The following RBM18 variants were observed in gnomAD, a reference collection of about 807,000 sequenced individuals.
RBM18 encodes RNA binding motif protein 18.
In RBM18, 18 loss-of-function variants were observed where a neutral mutation model predicts 26.4. The ratio of observed to expected loss-of-function variants is 0.68; its 90% CI spans 0.47 to 1.01. The LOEUF (loss-of-function observed/expected upper bound fraction) is 1.01, where lower values mean the gene tolerates loss of function less well. Ranked by LOEUF, RBM18 falls within the 50% of genes least tolerant of loss-of-function variation. The pLI is 0.00. For synonymous variants in RBM18, 74 were observed against 81.1 expected, an observed-to-expected ratio of 0.91 and a Z score of 0.47; for missense variants, 180 against 219.2, an observed-to-expected ratio of 0.82 and a Z score of 1.13.
chr9:122,248,273 T>C (rs1224050143), intron 3 of RBM18, among the ~76,000 whole-genome samples: 2 of 152,198 alleles, frequency 1.3e-5, no homozygotes, highest in Non-Finnish European at 2.9e-5. Flanking sequence ...ACTCAAAGAA[T>C]GTAAAGCATG....
intron 1 of RBM18, among the ~76,000 whole-genome samples, chr9:122,263,693 A>C (rs1037017328): frequency 6.6e-6 from 1 of 152,242 alleles, no homozygotes; most frequent in African/African-American, 2.4e-5. Flanking sequence ...AGTGGAGGGA[A>C]GGCCTCTCTA....
chr9:122,255,300 A>T (rs781104745), intron 2 of RBM18, among the ~76,000 whole-genome samples: 2 of 152,236 alleles, frequency 1.3e-5, no homozygotes, highest in Non-Finnish European at 2.9e-5. Context: ...AGACATAAAA[A>T]GAAGTATGGA....
In RBM18 at chr9:122,238,658, A is replaced by G. The variant is rs931036536; in HGVS notation, c.*3226T>C. ...TATAGGGTCAGACACGTAGTGAAGG[A>G]CAGGTCATTAGGGCCTTACAGATCT... On this transcript the variant is annotated 3_prime_UTR_variant, in exon 6 of 6. Coordinates refer to ENST00000417201, the MANE Select transcript of RBM18 (RefSeq NM_033117.4). The G allele has an allele frequency of 2.6e-5, 4 of 152,254 alleles. No homozygotes were observed. The highest frequency in any genetic ancestry group is 9.6e-5 in the African/African-American group (4 of 41,472). The allele number at this position is 152,254 out of a possible 1,614,324, so 9.4% of individuals were successfully genotyped here.
At chr9:122,248,754 C>A (rs1408307373) in intron 3 of RBM18, among the ~76,000 whole-genome samples, 1 of 152,166 alleles carries the variant, frequency 6.6e-6, no homozygotes, top group East Asian at 1.9e-4. Flanking sequence ...CCAAGTGTAA[C>A]CCATGTTTAG....
chr9:122,254,275 T>G (rs1449921339), intron 2 of RBM18: 1 of 884,732 alleles, frequency 1.1e-6, no homozygotes. Context: ...AAGTGTGACC[T>G]TAAGATTCCA....
At chr9:122,257,819 G>C (rs187555514) in intron 2 of RBM18, among the ~76,000 whole-genome samples, 1 of 152,328 alleles carries the variant, frequency 6.6e-6, no homozygotes, top group East Asian at 1.9e-4. Flanking sequence ...ATATAAGAAA[G>C]AGAGAGGTAA....
In RBM18 at chr9:122,241,947, A is replaced by C. The variant is rs746663334; in HGVS notation, c.510T>G (p.Phe170Leu). 30 of 1,613,988 alleles carry C rather than the reference A, an allele frequency of 1.9e-5. No individual in the cohort carries two copies. The highest frequency in any genetic ancestry group is 2.5e-5 in the Non-Finnish European group (30 of 1,179,990). The change falls in exon 6 of 6, where the codon TTT becomes TTG. Residue 170 changes from phenylalanine to leucine, a missense_variant. By Grantham distance (22) the Phe-to-Leu change is conservative. Transcript: ENST00000417201. The part of the protein sequence containing the change: ...EYPAAPVYSY[F>L]KPPDKKRTTP... The stretch of plus-strand genomic sequence containing the variant: ...TAGTCCTTTTTTTATCTGGTGGCTT[A>C]AAGTAGGAATAAACAGGCGCTGCTG...
Position 122,239,221 on chromosome 9 carries a change from TTTG to T in RBM18, c.*2660_*2662del, listed in dbSNP as rs1831373825. Reference sequence around the variant, plus strand: ...CAACTGATTTTTGACCTGTTTTGTTTTTGTTTTTTTTGAGACGGTGTCTCACTC... The same window carrying T: ...CAACTGATTTTTGACCTGTTTTGTTTTTTTTTTTGAGACGGTGTCTCACTC... On this transcript the variant is annotated 3_prime_UTR_variant, in exon 6 of 6. Coordinates refer to ENST00000417201, the MANE Select transcript of RBM18 (RefSeq NM_033117.4). The T allele has an allele frequency of 8.8e-6, 1 of 113,168 alleles. No homozygotes were observed. The highest frequency in any genetic ancestry group is 2.0e-5 in the Non-Finnish European group (1 of 49,254). The allele number at this position is 113,168 out of a possible 1,614,324, so 7.0% of individuals were successfully genotyped here.
intron 1 of RBM18, among the ~76,000 whole-genome samples, chr9:122,262,054 T>C (rs1306212476): frequency 1.3e-5 from 2 of 152,226 alleles, no homozygotes; most frequent in Non-Finnish European, 2.9e-5. Context: ...ACCTGAACTT[T>C]CTAGGCCTCA....
chr9:122,242,136 G>C, intron 5 of RBM18, 93 bp from the exon 6 acceptor site: 1 of 1,221,364 alleles, frequency 8.2e-7, no homozygotes. Flanking sequence ...GGGAATATTA[G>C]AGACGCAACA....
Position 122,239,939 on chromosome 9 carries a change from G to C in RBM18, c.*1945C>G, listed in dbSNP as rs10818654. The C allele has an allele frequency of 0.32, 48,474 of 152,186 alleles. 8,821 individuals carry two copies. Among genetic ancestry groups the C allele is most frequent in the Middle Eastern group, 0.46 (134 of 292 alleles). The allele number at this position is 152,186 out of a possible 1,614,324, so 9.4% of individuals were successfully genotyped here. A position where few individuals can be genotyped will look rare whatever the true frequency, so the allele number is the denominator to read the frequency against. On this transcript the variant is annotated 3_prime_UTR_variant, in exon 6 of 6. Transcript: ENST00000417201. ...GTGGACATGCTGGCCAGAGTCCTGA[G>C]TGGAAACAAGCCTGTCAGAGAACTG...
chr9:122,243,785 G>A (rs1831461844), intron 5 of RBM18: 5 of 985,250 alleles, frequency 5.1e-6, no homozygotes, highest in Non-Finnish European at 6.0e-6. Flanking sequence ...GCCACAGCTG[G>A]TCACTGATTT....
intron 2 of RBM18, among the ~76,000 whole-genome samples, chr9:122,252,659 G>C (rs1046470933): frequency 1.3e-5 from 2 of 152,188 alleles, no homozygotes; most frequent in Admixed American, 1.3e-4. Context: ...AGGGGAACCT[G>C]GCCAGTCCTA....
intron 2 of RBM18, 38 bp from the exon 3 acceptor site, chr9:122,252,011 A>G (rs779510347): frequency 7.5e-6 from 12 of 1,608,352 alleles, no homozygotes; most frequent in Non-Finnish European, 8.5e-6. Flanking sequence ...TGCTCTGGGA[A>G]TTCTGTTGGC....
Position 122,251,993 on chromosome 9 carries a change from C to T in RBM18, c.114-20G>A. 6.2e-7 allele frequency: 1 copy of T among 1,613,228 alleles called. No homozygotes were observed. The highest frequency in any genetic ancestry group is 2.2e-5 in the East Asian group (1 of 44,858). Reference sequence around the variant, plus strand: ...TGGTATCTGTGGAGAAAGAAGAGTCCATGAGTATGCTCTGGGAATTCTGTT... The same window carrying T: ...TGGTATCTGTGGAGAAAGAAGAGTCTATGAGTATGCTCTGGGAATTCTGTT... On this transcript the variant is annotated intron_variant, in intron 2 of 5. Transcript: ENST00000417201.
intron 2 of RBM18, 141 bp from the exon 3 acceptor site, chr9:122,252,114 A>G: frequency 9.5e-7 from 1 of 1,052,416 alleles, no homozygotes; most frequent in Non-Finnish European, 1.4e-6. Context: ...CTAAACTGCT[A>G]TGTTAGTTTA....
chr9:122,262,298 CA>C (rs11330274), intron 1 of RBM18, among the ~76,000 whole-genome samples: 48,905 of 152,054 alleles, frequency 0.32, 9,085 homozygotes, highest in South Asian at 0.47. Flanking sequence ...AGTTACTTAA[CA>C]GCTGTTGGCC....
At chr9:122,242,987 G>A (rs764482411) in intron 5 of RBM18, among the ~76,000 whole-genome samples, 2 of 152,030 alleles carry the variant, frequency 1.3e-5, no homozygotes, top group Non-Finnish European at 2.9e-5. Context: ...GCGCCACCAC[G>A]CCCAGCTAAT....
chr9:122,250,024 T>A (rs1831573326), intron 3 of RBM18, among the ~76,000 whole-genome samples: 1 of 133,182 alleles, frequency 7.5e-6, no homozygotes, highest in South Asian at 2.4e-4. Context: ...GGGTCATGAT[T>A]GTGTCACTGC....
Sources: allele counts gnomAD v4.1 joint callset (sites outside exome capture counted in the v4.1 genomes callset), GRCh38; gene constraint gnomAD v4.1.1; transcripts MANE v1.5; gene names NCBI Gene and HGNC (gene_info 2026-07-23, HGNC 2026-07-21).